The following SHQ1 variants were observed in gnomAD, a reference collection of about 807,000 sequenced individuals.
SHQ1 encodes SHQ1, H/ACA ribonucleoprotein assembly factor, also known as protein SHQ1 homolog.
A neutral mutation model predicts 53.8 loss-of-function variants in SHQ1; 49 were observed. The observed-to-expected ratio is 0.91, with a 90% CI of 0.72 to 1.16. The LOEUF (loss-of-function observed/expected upper bound fraction) is 1.16, where lower values mean the gene tolerates loss of function less well. Among genes scored for constraint, SHQ1 ranks in the 50% most tolerant of loss-of-function variants. SHQ1 has a pLI of 0.00. For synonymous variants in SHQ1, 243 were observed against 251.0 expected (o/e 0.97, Z 0.30); for missense variants, 738 against 683.1 (o/e 1.08, Z -0.90).
Position 72,749,544 on chromosome 3 carries a change from G to A in SHQ1, c.*740C>T, listed in dbSNP as rs746901770. 5 of 220,088 alleles carry A rather than the reference G, an allele frequency of 2.3e-5. No individual in the cohort carries two copies. Among genetic ancestry groups the A allele is most frequent in the Non-Finnish European group, 4.6e-5 (5 of 109,876 alleles). 13.6% of individuals were successfully genotyped at this position (220,088 alleles called of 1,614,324 possible). On this transcript the variant is annotated 3_prime_UTR_variant, in exon 11 of 11. Transcript: ENST00000325599. ...TCTAGGACATGCAAACTAATAACAG[G>A]GCACAAGGGCACTTGGGAATGATGG...
At position 72,750,249 on chromosome 3, in the gene SHQ1, C is replaced by T. The variant is rs1219115413; in HGVS notation, c.*35G>A. 3 of 1,475,788 alleles carry T rather than the reference C, an allele frequency of 2.0e-6. No individual in the cohort carries two copies. Among genetic ancestry groups the T allele is most frequent in the Non-Finnish European group, 1.8e-6 (2 of 1,084,894 alleles). The allele number at this position is 1,475,788 out of a possible 1,614,324, so 91.4% of individuals were successfully genotyped here. On this transcript the variant is annotated 3_prime_UTR_variant, in exon 11 of 11. Transcript: ENST00000325599. ...ATTCGGTAAATGAAACCCAATCTAC[C>T]ATATTTCTCAACAATGAATAAAACC...
At chr3:72,836,987 C>A (rs777060997) in intron 4 of SHQ1, among the ~76,000 whole-genome samples, 3 of 152,150 alleles carry the variant, frequency 2.0e-5, no homozygotes, top group Non-Finnish European at 4.4e-5. Flanking sequence ...AAACAATGGC[C>A]TCAGGTCCCT....
the SHQ1 span, among the ~76,000 whole-genome samples, chr3:72,742,960 T>C: frequency 6.6e-6 from 1 of 152,172 alleles, no homozygotes; most frequent in Non-Finnish European, 1.5e-5. Flanking sequence ...AAGCTAATTA[T>C]GTCCAATTTA....
chr3:72,846,771 G>A (rs1231233949), intron 1 of SHQ1, among the ~76,000 whole-genome samples: 2 of 152,192 alleles, frequency 1.3e-5, no homozygotes, highest in Non-Finnish European at 2.9e-5. Context: ...CAAGAGTTGG[G>A]GGGGTGCCCA....
intron 10 of SHQ1, among the ~76,000 whole-genome samples, chr3:72,776,180 T>C (rs946313655): frequency 6.6e-6 from 1 of 152,238 alleles, no homozygotes; most frequent in African/African-American, 2.4e-5. Flanking sequence ...TAGCTGGATA[T>C]GAAATCAATT....
chr3:72,818,491 C>T (rs1707381551), intron 6 of SHQ1, among the ~76,000 whole-genome samples: 3 of 152,206 alleles, frequency 2.0e-5, no homozygotes, highest in Non-Finnish European at 4.4e-5. Flanking sequence ...ACTCTCCTTT[C>T]TCACAGTCAT....
chr3:72,837,237 T>C (rs1575736880), intron 4 of SHQ1, among the ~76,000 whole-genome samples: 1 of 152,312 alleles, frequency 6.6e-6, no homozygotes, highest in Admixed American at 6.5e-5. Flanking sequence ...GAAGAATATA[T>C]CTCTGGGTAT....
the SHQ1 span, among the ~76,000 whole-genome samples, chr3:72,738,692 G>A: frequency 6.6e-6 from 1 of 152,080 alleles, no homozygotes; most frequent in Non-Finnish European, 1.5e-5. Flanking sequence ...CTTCCAGACC[G>A]CGACCTTCTG....
At position 72,846,315 on chromosome 3, in the gene SHQ1, TAGAC is replaced by T. The variant is rs1389724733; in HGVS notation, c.143+1879_143+1882del. ...TGTATGTTCTTTTTTTTTTTTTTTT[TAGAC>T]AGTCTCGCTCTGTTACTCAGGCTGG... On this transcript the variant is annotated intron_variant, in intron 1 of 10. Transcript: ENST00000325599. 1.1e-5 allele frequency: 15 copies of T among 1,378,164 alleles called. No homozygotes were observed. In the East Asian group the frequency reaches 3.7e-4, roughly 34 times the overall value. 85.4% of individuals were successfully genotyped at this position (1,378,164 alleles called of 1,614,324 possible). A position where few individuals can be genotyped will look rare whatever the true frequency, so the allele number is the denominator to read the frequency against.
intron 10 of SHQ1, among the ~76,000 whole-genome samples, chr3:72,761,239 A>G (rs1252501710): frequency 6.6e-6 from 1 of 152,016 alleles, no homozygotes; most frequent in African/African-American, 2.4e-5. Context: ...TGGCTCAATC[A>G]CAGCTCACTG....
At chr3:72,848,117 G>C (rs1575748342) in intron 1 of SHQ1, 81 bp downstream of exon 1, 1 of 1,549,690 alleles carries the variant, frequency 6.5e-7, no homozygotes, top group Non-Finnish European at 8.9e-7. Flanking sequence ...ATCGAGCACT[G>C]CTCTCTCGAC....
At chr3:72,793,961 A>G (rs1440180918) in intron 9 of SHQ1, 1 of 152,220 alleles carries the variant, frequency 6.6e-6, no homozygotes, top group African/African-American at 2.4e-5. Context: ...TAACCCAACC[A>G]AAGTCTACAA....
At chr3:72,726,333 T>G in the SHQ1 span, among the ~76,000 whole-genome samples, 1 of 151,816 alleles carries the variant, frequency 6.6e-6, no homozygotes, top group African/African-American at 2.4e-5. Context: ...GATATGTATC[T>G]CTCATGCTTA....
At chr3:72,762,212 C>T (rs1404409694) in intron 10 of SHQ1, among the ~76,000 whole-genome samples, 1 of 152,138 alleles carries the variant, frequency 6.6e-6, no homozygotes, top group African/African-American at 2.4e-5. Flanking sequence ...TATGGCAACG[C>T]TAAATGCTGA....
intron 5 of SHQ1, among the ~76,000 whole-genome samples, chr3:72,826,355 A>G (rs1233753446): frequency 6.6e-6 from 1 of 152,240 alleles, no homozygotes; most frequent in Admixed American, 6.5e-5. Flanking sequence ...AAGTTCTACT[A>G]TAAACTCATC....
At chr3:72,817,548 T>G (rs1707355754) in intron 6 of SHQ1, among the ~76,000 whole-genome samples, 164 bp from the exon 7 acceptor site, 1 of 152,250 alleles carries the variant, frequency 6.6e-6, no homozygotes, top group Non-Finnish European at 1.5e-5. Context: ...ACAGTTTTAG[T>G]AAGAGCTATG....
Position 72,749,357 on chromosome 3 carries a change from G to C in SHQ1, c.*927C>G, listed in dbSNP as rs1377129844. The C allele has an allele frequency of 8.7e-6, 2 of 229,016 alleles. No individual in the cohort carries two copies. The highest frequency in any genetic ancestry group is 4.4e-5 in the African/African-American group (2 of 45,074). 14.2% of individuals were successfully genotyped at this position (229,016 alleles called of 1,614,324 possible). A position where few individuals can be genotyped will look rare whatever the true frequency, so the allele number is the denominator to read the frequency against. The stretch of plus-strand genomic sequence containing the variant: ...CCCAGGTGTCCATCGATAGGTCAAT[G>C]AACAAATCTATTCAATGAAGCAGTA... On this transcript the variant is annotated 3_prime_UTR_variant, in exon 11 of 11. Coordinates refer to ENST00000325599, the MANE Select transcript of SHQ1 (RefSeq NM_018130.3).
At chr3:72,740,890 C>T in the SHQ1 span, among the ~76,000 whole-genome samples, 5 of 152,168 alleles carry the variant, frequency 3.3e-5, no homozygotes, top group Non-Finnish European at 7.4e-5. Context: ...CTTCCTGAGT[C>T]GAGTTTGCAA....
At chr3:72,738,984 G>T in the SHQ1 span, among the ~76,000 whole-genome samples, 58 of 152,346 alleles carry the variant, frequency 3.8e-4, no homozygotes, top group Non-Finnish European at 6.8e-4. Context: ...AGAGCTGGGT[G>T]GTTATGCCAC....
Sources: gnomAD v4.1 joint callset for allele counts (sites outside exome capture counted in the v4.1 genomes callset) on GRCh38, gnomAD v4.1.1 for gene constraint, MANE v1.5 for transcripts, NCBI Gene and HGNC (gene_info 2026-07-23, HGNC 2026-07-21) for gene names.